SLC19A2: variants seen among roughly 807,000 people sequenced by gnomAD.
SLC19A2 encodes the protein thiamine transporter 1.
A neutral mutation model predicts 44.7 loss-of-function variants in SLC19A2; 27 were observed. That is an observed-to-expected ratio of 0.60 (90% CI 0.45 to 0.83). The LOEUF (loss-of-function observed/expected upper bound fraction) is 0.83. SLC19A2 is among the 40% of genes least tolerant of loss of function. The probability of loss-of-function intolerance (pLI) is 0.00; values close to 1 mark genes in which losing one functional copy is unlikely to be tolerated. For missense variants in SLC19A2, 566 were observed against 613.7 expected, an observed-to-expected ratio of 0.92 and a Z score of 0.82; for synonymous variants, 239 against 243.6, an observed-to-expected ratio of 0.98 and a Z score of 0.18.
chr1:169,470,546 C>T (rs976456224), intron 2 of SLC19A2, among the ~76,000 whole-genome samples: 1 of 150,642 alleles, frequency 6.6e-6, no homozygotes, highest in African/African-American at 2.4e-5. Context: ...AAGCAACAGA[C>T]TAGCAACCCT....
chr1:169,468,941 T>C, intron 3 of SLC19A2, 105 bp from the exon 4 acceptor site: 2 of 981,296 alleles, frequency 2.0e-6, no homozygotes, highest in Non-Finnish European at 1.6e-6. Context: ...TGCAAACTTA[T>C]AAACAGAATA....
In SLC19A2 at chr1:169,485,652, C is replaced by G. The variant is rs868861350; in HGVS notation, c.115G>C (p.Ala39Pro). 1 of 1,555,424 alleles carries G rather than the reference C, an allele frequency of 6.4e-7. No homozygotes were observed. The highest frequency in any genetic ancestry group is 1.4e-5 in the African/African-American group (1 of 73,184). The part of the protein sequence containing the change: ...CWFLPTALLC[A>P]YGFFASLRPS... ...CTGAGGCTGGCGAAGAAGCCGTAGGCGCAGAGCAGCGCGGTCGGCAAGAAC... is the reference window on the plus strand; with the variant it reads ...CTGAGGCTGGCGAAGAAGCCGTAGGGGCAGAGCAGCGCGGTCGGCAAGAAC... The change falls in exon 1 of 6, where the codon GCC becomes CCC. Residue 39 changes from alanine to proline, a missense_variant. Coordinates refer to ENST00000236137, the MANE Select transcript of SLC19A2 (RefSeq NM_006996.3).
chr1:169,472,435 A>G (rs959904427), intron 2 of SLC19A2, among the ~76,000 whole-genome samples: 1 of 152,222 alleles, frequency 6.6e-6, no homozygotes, highest in Non-Finnish European at 1.5e-5. Context: ...CCTACCATAA[A>G]CTGATAAGAA....
rs369937650 is a variant in SLC19A2, at chr1:169,485,567, C to T, written c.200G>A (p.Arg67Lys). The T allele has an allele frequency of 6.3e-6, 10 of 1,584,930 alleles. No homozygotes were observed. In the African/African-American group the frequency reaches 1.3e-4, roughly 21 times the overall value. Residue 67 changes from arginine to lysine, a missense_variant, in exon 1 of 6, where the codon AGG (arginine) becomes AAG (lysine). Coordinates refer to ENST00000236137, the MANE Select transcript of SLC19A2 (RefSeq NM_006996.3). ...LLGPDKNLTE[R>K]EVFNEIYPVW... ...CCCCGCGTCCGCCGCGCGTACCTCC[C>T]TCTCGGTCAGGTTCTTGTCCGGCCC... is the stretch of plus-strand genomic sequence containing the variant.
At chr1:169,472,080 C>G (rs1214891447) in intron 2 of SLC19A2, among the ~76,000 whole-genome samples, 1 of 152,136 alleles carries the variant, frequency 6.6e-6, no homozygotes, top group Non-Finnish European at 1.5e-5. Flanking sequence ...CCTAGAAGTA[C>G]AACATACTGC....
At chr1:169,476,591 G>A (rs991912588) in intron 2 of SLC19A2, among the ~76,000 whole-genome samples, 11 of 152,122 alleles carry the variant, frequency 7.2e-5, no homozygotes, top group Admixed American at 2.0e-4. Context: ...GGTGGCGAGC[G>A]CCCATAATCC....
At chr1:169,469,808 TA>T (rs1298415185) in intron 3 of SLC19A2, among the ~76,000 whole-genome samples, 155 bp downstream of exon 3, 2 of 152,180 alleles carry the variant, frequency 1.3e-5, no homozygotes, top group Non-Finnish European at 2.9e-5. Flanking sequence ...TGAGTACTTC[TA>T]AGTTGTCCTC....
At chr1:169,476,046 AAC>A (rs1374689995) in intron 2 of SLC19A2, among the ~76,000 whole-genome samples, 3 of 152,154 alleles carry the variant, frequency 2.0e-5, no homozygotes, top group Non-Finnish European at 4.4e-5. Flanking sequence ...CTTATTTCCA[AAC>A]ATGTCCCAGG....
Position 169,465,719 on chromosome 1 carries a change from A to T in SLC19A2, c.*130T>A, listed in dbSNP as rs1657970711. 6 of 925,970 alleles carry T rather than the reference A, an allele frequency of 6.5e-6. No homozygotes were observed. The highest frequency in any genetic ancestry group is 1.0e-5 in the Non-Finnish European group (6 of 572,630). 57.4% of individuals were successfully genotyped at this position (925,970 alleles called of 1,614,324 possible). The stretch of plus-strand genomic sequence containing the variant: ...TGTTATTCCCGGAACACAAGGTATT[A>T]GTCAAGTGGCTGCTGTGAAGTCAAG... On this transcript the variant is annotated 3_prime_UTR_variant, in exon 6 of 6. Transcript: ENST00000236137.
rs1174665303 is a variant in SLC19A2 at position 169,464,933 on chromosome 1, TAAAA to T, written c.*912_*915del. On this transcript the variant is annotated 3_prime_UTR_variant, in exon 6 of 6. Coordinates refer to ENST00000236137, the MANE Select transcript of SLC19A2 (RefSeq NM_006996.3). ...AAACTATAAATAGGGATGAAATTATTAAAAAAAGATTTTTCATTTTATTTTGGAA... is the reference window on the plus strand; with the variant it reads ...AAACTATAAATAGGGATGAAATTATTAAAGATTTTTCATTTTATTTTGGAA... 1.3e-5 allele frequency: 2 copies of T among 152,512 alleles called. No homozygotes were observed. The highest frequency in any genetic ancestry group is 4.8e-5 in the African/African-American group (2 of 41,428). 9.4% of individuals were successfully genotyped at this position (152,512 alleles called of 1,614,324 possible). A position where few individuals can be genotyped will look rare whatever the true frequency, so the allele number is the denominator to read the frequency against.
rs1004026015 is a variant in SLC19A2 at position 169,465,356 on chromosome 1, G to C, written c.*493C>G. On this transcript the variant is annotated 3_prime_UTR_variant, in exon 6 of 6. Coordinates refer to ENST00000236137, the MANE Select transcript of SLC19A2 (RefSeq NM_006996.3). ...AGAATAACTATGTAGAAAGACCAAT[G>C]TACATGAGTAACACAGAAATAAGAA... is the stretch of plus-strand genomic sequence containing the variant. 4 of 169,022 alleles carry C rather than the reference G, an allele frequency of 2.4e-5. No individual in the cohort carries two copies. Among genetic ancestry groups the C allele is most frequent in the Non-Finnish European group, 3.9e-5 (3 of 77,758 alleles). The allele number at this position is 169,022 out of a possible 1,614,324, so 10.5% of individuals were successfully genotyped here.
intron 2 of SLC19A2, among the ~76,000 whole-genome samples, chr1:169,474,942 A>G (rs1253366836): frequency 6.6e-6 from 1 of 152,192 alleles, no homozygotes; most frequent in Admixed American, 6.5e-5. Context: ...AAAAGACTTC[A>G]CCGAGAAAGG....
At chr1:169,478,179 G>T (rs1419087929) in intron 1 of SLC19A2, among the ~76,000 whole-genome samples, 1 of 152,084 alleles carries the variant, frequency 6.6e-6, no homozygotes, top group Admixed American at 6.5e-5. Context: ...TTACAAGGGT[G>T]AGCCACCTCG....
chr1:169,475,878 T>C (rs1000304891), intron 2 of SLC19A2, among the ~76,000 whole-genome samples: 1 of 152,214 alleles, frequency 6.6e-6, no homozygotes, highest in African/African-American at 2.4e-5. Context: ...AGAGTAATTT[T>C]CAATGAGGAC....
Position 169,468,180 on chromosome 1 carries a change from C to T in SLC19A2, c.1296G>A (p.Leu432=). 1 of 1,613,918 alleles carries T rather than the reference C, an allele frequency of 6.2e-7. No individual in the cohort carries two copies. The highest frequency in any genetic ancestry group is 8.5e-7 in the Non-Finnish European group (1 of 1,179,890). Residue 432 remains leucine, a synonymous_variant, in exon 5 of 6, where the codon CTG becomes CTA. Coordinates refer to ENST00000236137, the MANE Select transcript of SLC19A2 (RefSeq NM_006996.3). ...TTAGAGTGAGCAGCGTCTGCAGTGC[C>T]AGGGCAATGAAGGTATTTACACCAA... ...LVFGVNTFIA[L]ALQTLLTLIV... is the part of the protein sequence containing the mutation.
chr1:169,474,193 T>G (rs1159549731), intron 2 of SLC19A2: 1 of 152,152 alleles, frequency 6.6e-6, no homozygotes, highest in East Asian at 1.9e-4. Flanking sequence ...ATGACATTAT[T>G]TAATACCAAA....
At chr1:169,483,396 T>A (rs542304824) in intron 1 of SLC19A2, among the ~76,000 whole-genome samples, 1 of 147,464 alleles carries the variant, frequency 6.8e-6, no homozygotes, top group Non-Finnish European at 1.5e-5. Context: ...TTATTAGTTA[T>A]ACAAAAAAAC....
chr1:169,471,506 CACAA>C (rs1658180318), intron 2 of SLC19A2, among the ~76,000 whole-genome samples: 1 of 81,414 alleles, frequency 1.2e-5, no homozygotes, highest in South Asian at 4.1e-4. Flanking sequence ...CACACACACA[CACAA>C]TTTAATTAGC....
intron 1 of SLC19A2, 131 bp from the exon 2 acceptor site, chr1:169,477,888 A>G: frequency 1.1e-6 from 1 of 936,606 alleles, no homozygotes; most frequent in Non-Finnish European, 1.6e-6. Flanking sequence ...ACAGCAGTTC[A>G]GATAACTTTG....
Sources: gnomAD v4.1 joint callset for allele counts (sites outside exome capture counted in the v4.1 genomes callset) on GRCh38, gnomAD v4.1.1 for gene constraint, MANE v1.5 for transcripts, NCBI Gene and HGNC (gene_info 2026-07-23, HGNC 2026-07-21) for gene names.